PRKX: variants seen among roughly 807,000 people sequenced by gnomAD.
PRKX encodes cAMP-dependent protein kinase catalytic subunit PRKX.
A neutral mutation model predicts 22.0 loss-of-function variants in PRKX; 12 were observed. That is an observed-to-expected ratio of 0.54 (90% CI 0.35 to 0.88). The LOEUF (loss-of-function observed/expected upper bound fraction) is 0.88. PRKX is among the 40% of genes least tolerant of loss of function. PRKX has a pLI of 0.01. For missense variants in PRKX, 217 were observed against 308.0 expected (o/e 0.70, Z 2.21); for synonymous variants, 134 against 137.7 (o/e 0.97, Z 0.19).
chrX:3,623,366 G>T (rs1269142530), intron 5 of PRKX, among the ~76,000 whole-genome samples: 1 of 110,388 alleles, frequency 9.1e-6, no homozygotes, highest in African/African-American at 3.3e-5. Context: ...ACCAGCATGG[G>T]CAACATAGTA....
intron 1 of PRKX, among the ~76,000 whole-genome samples, chrX:3,684,529 CGGTTCATCCTG>C (rs1311361068): frequency 9.0e-6 from 1 of 111,715 alleles, no homozygotes; most frequent in Non-Finnish European, 1.9e-5. Context: ...ACTCTGACCT[CGGTTCATCCTG>C]GGAAAGGGTT....
chrX:3,650,606 C>T (rs187902554), intron 3 of PRKX, among the ~76,000 whole-genome samples: 11 of 108,527 alleles, frequency 1.0e-4, no homozygotes, highest in African/African-American at 3.7e-4. Flanking sequence ...AGGCCGGGCA[C>T]GGTGGCTCAC....
rs1569067834 is a variant in PRKX, at chrX:3,713,076, GCACT to G, written c.166+8_166+11del. 6 of 1,158,268 alleles carry G rather than the reference GCACT, an allele frequency of 5.2e-6. No homozygotes were observed. The highest frequency in any genetic ancestry group is 4.8e-4 in the Middle Eastern group (2 of 4,153). On this transcript the variant is annotated splice_region_variant and intron_variant, in intron 1 of 8. Transcript: ENST00000262848. The stretch of plus-strand genomic sequence containing the variant: ...GCCCCTGTGGGCCGAGTCCCCGCCC[GCACT>G]CACTCACCCACGGTGGCCAGCGTGT...
intron 1 of PRKX, among the ~76,000 whole-genome samples, chrX:3,681,418 A>G (rs1928070237): frequency 9.3e-6 from 1 of 107,637 alleles, no homozygotes; most frequent in Non-Finnish European, 1.9e-5. Flanking sequence ...TTGGGAGGCC[A>G]ACATGGGAGG....
chrX:3,642,484 CAGG>C lies in PRKX; in HGVS notation c.600-516_600-514del, dbSNP rs773030709. Among the ~76,000 whole-genome samples the C allele has an allele frequency of 2.1e-4, 23 of 109,854 alleles. No homozygotes were observed. In the South Asian group the frequency reaches 5.6e-3, roughly 27 times the overall value. ...CACCTGGCCGCTGGAAGGAGAAGCA[CAGG>C]AGAAGGATGAGGATGGAAAATCTAC... is the stretch of plus-strand genomic sequence containing the variant. On this transcript the variant is annotated intron_variant, in intron 3 of 8. Coordinates refer to ENST00000262848, the MANE Select transcript of PRKX (RefSeq NM_005044.5).
At chrX:3,621,458 T>C (rs1479737256) in intron 5 of PRKX, 142 bp from the exon 6 acceptor site, 7 of 524,042 alleles carry the variant, frequency 1.3e-5, no homozygotes, top group Non-Finnish European at 2.2e-5. Context: ...CACTTTCTAG[T>C]GCTTATTTCC....
chrX:3,655,690 G>A (rs1157225186), intron 2 of PRKX, among the ~76,000 whole-genome samples: 3 of 112,476 alleles, frequency 2.7e-5, no homozygotes, highest in African/African-American at 9.7e-5. Flanking sequence ...GGTGTACATC[G>A]GGGCTGATAC....
At chrX:3,691,234 G>T (rs147862353) in intron 1 of PRKX, among the ~76,000 whole-genome samples, 1,374 of 111,266 alleles carry the variant, frequency 0.012, 20 homozygotes, top group African/African-American at 0.042. Context: ...TTGTTACACC[G>T]TACGTCTTAC....
chrX:3,642,041 C>A lies in PRKX; in HGVS notation c.600-70G>T, dbSNP rs12388968. 36 of 728,846 alleles carry A rather than the reference C, an allele frequency of 4.9e-5. No homozygotes were observed. The African/African-American group carries it at 7.8e-4, about 16-fold the overall frequency. 60.1% of individuals were successfully genotyped at this position (728,846 alleles called of 1,213,427 possible). On this transcript the variant is annotated intron_variant, in intron 3 of 8. Coordinates refer to ENST00000262848, the MANE Select transcript of PRKX (RefSeq NM_005044.5). Reference sequence around the variant, plus strand: ...TTGGCTAATGCAGTCACCTTAGAAGCTCTGATTGTTACAATAACTTCGTTG... The same window carrying A: ...TTGGCTAATGCAGTCACCTTAGAAGATCTGATTGTTACAATAACTTCGTTG...
chrX:3,698,031 G>T (rs1928480175), intron 1 of PRKX, among the ~76,000 whole-genome samples: 1 of 112,283 alleles, frequency 8.9e-6, no homozygotes, highest in African/African-American at 3.2e-5. Flanking sequence ...CAGGCAGCCA[G>T]CTAGGGAACA....
chrX:3,708,564 A>T (rs1431313606), intron 1 of PRKX, among the ~76,000 whole-genome samples: 37 of 94,352 alleles, frequency 3.9e-4, no homozygotes, highest in African/African-American at 1.2e-3. Context: ...GTGAAAGTTT[A>T]AAAAAAAAAA....
chrX:3,612,367 G>C (rs1465137303), intron 7 of PRKX, 42 bp from the exon 8 acceptor site: 3 of 1,177,859 alleles, frequency 2.5e-6, no homozygotes, highest in Non-Finnish European at 3.4e-6. Context: ...GTTAGAAAGG[G>C]ACGGGACACT....
chrX:3,626,798 G>T (rs1269388848), intron 4 of PRKX, among the ~76,000 whole-genome samples: 1 of 110,876 alleles, frequency 9.0e-6, no homozygotes, highest in Non-Finnish European at 1.9e-5. Flanking sequence ...TCCTTTTTGG[G>T]CATCTTATTG....
At chrX:3,692,717 C>G (rs1928358624) in intron 1 of PRKX, among the ~76,000 whole-genome samples, 1 of 110,636 alleles carries the variant, frequency 9.0e-6, no homozygotes, top group Non-Finnish European at 1.9e-5. Flanking sequence ...CTAGTAGAGA[C>G]AGAGTTTCAC....
intron 1 of PRKX, among the ~76,000 whole-genome samples, chrX:3,706,436 A>T (rs748524674): frequency 9.0e-6 from 1 of 110,706 alleles, no homozygotes; most frequent in Admixed American, 9.6e-5. Context: ...TGATCCTCCC[A>T]CCTCAGAGTC....
At chrX:3,612,363 A>T in intron 7 of PRKX, 38 bp from the exon 8 acceptor site, 1 of 1,188,803 alleles carries the variant, frequency 8.4e-7, no homozygotes, top group East Asian at 3.0e-5. Flanking sequence ...CATGGTTAGA[A>T]AGGGACGGGA....
intron 1 of PRKX, among the ~76,000 whole-genome samples, chrX:3,696,121 C>T (rs1928437658): frequency 9.1e-6 from 1 of 110,158 alleles, no homozygotes; most frequent in African/African-American, 3.3e-5. Context: ...GGATCAATGT[C>T]CTTATTAAAG....
chrX:3,700,086 C>A (rs777729477), intron 1 of PRKX, among the ~76,000 whole-genome samples: 165 of 111,664 alleles, frequency 1.5e-3, no homozygotes, highest in African/African-American at 5.1e-3. Flanking sequence ...CATCAGACTA[C>A]AAAAAACCAA....
chrX:3,658,281 G>A lies in PRKX; in HGVS notation c.336-2869C>T, dbSNP rs1304226727. On this transcript the variant is annotated intron_variant, in intron 2 of 8. Coordinates refer to ENST00000262848, the MANE Select transcript of PRKX (RefSeq NM_005044.5). ...GCTGGGATTACAGGCATGAGCCACC[G>A]TGCCCGGTCTGTTTGTTTCTGAAAC... Among the ~76,000 whole-genome samples, 22 of 110,939 alleles carry A rather than the reference G, an allele frequency of 2.0e-4. 1 individual carries two copies. In the Admixed American group the frequency reaches 2.1e-3, roughly 11 times the overall value.
Sources: allele counts gnomAD v4.1 joint callset (sites outside exome capture counted in the v4.1 genomes callset), GRCh38; gene constraint gnomAD v4.1.1; transcripts MANE v1.5; gene names NCBI Gene and HGNC (gene_info 2026-07-23, HGNC 2026-07-21).